The following CAMK2A variants were observed in gnomAD, a reference collection of about 807,000 sequenced individuals.
CAMK2A encodes the protein calcium/calmodulin-dependent protein kinase type II subunit alpha.
CAMK2A carries 7 observed loss-of-function variants against 79.2 expected under a neutral mutation model. The observed-to-expected ratio is 0.09, with a 90% CI of 0.05 to 0.17. The LOEUF (loss-of-function observed/expected upper bound fraction) is 0.17. CAMK2A is among the 10% of genes least tolerant of loss of function. The pLI is 1.00. For synonymous variants in CAMK2A, 242 were observed against 251.7 expected, an observed-to-expected ratio of 0.96 and a Z score of 0.36; for missense variants, 214 against 646.4, an observed-to-expected ratio of 0.33 and a Z score of 7.25.
intron 1 of CAMK2A, among the ~76,000 whole-genome samples, chr5:150,279,916 C>A (rs1757140434): frequency 6.6e-6 from 1 of 152,190 alleles, no homozygotes; most frequent in African/African-American, 2.4e-5. Context: ...GGCTGCCAGC[C>A]CAAAGGGGCC....
At chr5:150,275,827 A>G (rs1004098133) in intron 1 of CAMK2A, among the ~76,000 whole-genome samples, 1 of 143,114 alleles carries the variant, frequency 7.0e-6, no homozygotes, top group African/African-American at 2.7e-5. Context: ...TTTTCACCAA[A>G]CCAGAAGGTC....
intron 13 of CAMK2A, among the ~76,000 whole-genome samples, chr5:150,244,932 C>T (rs1180720863): frequency 6.6e-6 from 1 of 152,138 alleles, no homozygotes; most frequent in African/African-American, 2.4e-5. Flanking sequence ...CTGTCACTTC[C>T]ACCCTCCTCC....
intron 3 of CAMK2A, among the ~76,000 whole-genome samples, chr5:150,261,612 G>A (rs140798620): frequency 4.6e-5 from 7 of 152,218 alleles, no homozygotes; most frequent in Admixed American, 6.5e-5. Flanking sequence ...TTTTTTCTTG[G>A]AGGTTGAAGG....
At position 150,221,203 on chromosome 5, in the gene CAMK2A, G is replaced by A. The variant is rs547971932; in HGVS notation, c.*1507C>T. 1.8e-5 allele frequency: 7 copies of A among 382,070 alleles called. No individual in the cohort carries two copies. Among genetic ancestry groups the A allele is most frequent in the African/African-American group, 6.2e-5 (3 of 48,204 alleles). The allele number at this position is 382,070 out of a possible 1,614,324, so 23.7% of individuals were successfully genotyped here. A position where few individuals can be genotyped will look rare whatever the true frequency, so the allele number is the denominator to read the frequency against. On this transcript the variant is annotated 3_prime_UTR_variant, in exon 19 of 19. Transcript: ENST00000671881. The stretch of plus-strand genomic sequence containing the variant: ...TGTTTGTTTTCAACATACTTACTGC[G>A]TATAAAGTCATGCAAAGAAAACAGT...
chr5:150,231,181 C>A, intron 16 of CAMK2A, 124 bp downstream of exon 16: 1 of 502,578 alleles, frequency 2.0e-6, no homozygotes, highest in Non-Finnish European at 3.6e-6. Flanking sequence ...TGAGTTCAGC[C>A]CGATTCACAG....
intron 6 of CAMK2A, 24 bp from the exon 7 acceptor site, chr5:150,253,570 A>C (rs1580925787): frequency 6.4e-7 from 1 of 1,574,254 alleles, no homozygotes; most frequent in East Asian, 2.2e-5. Context: ...GAGAAGAGGG[A>C]GGAAGGGGAG....
chr5:150,231,234 C>A, intron 16 of CAMK2A, 71 bp downstream of exon 16: 1 of 791,968 alleles, frequency 1.3e-6, no homozygotes, highest in South Asian at 2.0e-5. Context: ...CAAGGACCCC[C>A]AAAGTTAGCC....
intron 1 of CAMK2A, among the ~76,000 whole-genome samples, chr5:150,276,625 A>C (rs1756958105): frequency 6.6e-6 from 1 of 152,160 alleles, no homozygotes; most frequent in Non-Finnish European, 1.5e-5. Context: ...AGAAGCTTAA[A>C]GTGGCCACAT....
rs142404553 is a variant in CAMK2A, at chr5:150,240,144, C to T, written c.985-408G>A. On this transcript the variant is annotated intron_variant, in intron 13 of 18. Transcript: ENST00000671881. Reference sequence around the variant, plus strand: ...GGGTGCTCAGGCCTGGAAGTGAGGCCCAATGTCTTCTCCTAGGCTCCCCGT... The same window carrying T: ...GGGTGCTCAGGCCTGGAAGTGAGGCTCAATGTCTTCTCCTAGGCTCCCCGT... 2.3e-3 allele frequency among the ~76,000 whole-genome samples: 344 copies of T among 152,262 alleles called. 1 individual carries two copies. The highest frequency in any genetic ancestry group is 4.4e-3 in the Admixed American group (68 of 15,302).
chr5:150,284,397 C>T lies in CAMK2A; in HGVS notation c.62+5167G>A, dbSNP rs1757338267. 6.6e-6 allele frequency among the ~76,000 whole-genome samples: 1 copy of T among 152,080 alleles called. No individual in the cohort carries two copies. Among genetic ancestry groups the T allele is most frequent in the African/African-American group, 2.4e-5 (1 of 41,392 alleles). On this transcript the variant is annotated intron_variant, in intron 1 of 18. Coordinates refer to ENST00000671881, the MANE Select transcript of CAMK2A (RefSeq NM_015981.4). This position sits in a 1 kb window ranked among gnomAD's most constrained non-coding sequence, Gnocchi z 5.3. ...TCAGCAACAGGATGCGAGTGTTGCA[C>T]TCCGAGGCTCTGCCCTCACCCCACA...
rs1754397230 is a variant in CAMK2A at position 150,223,008 on chromosome 5, C to T, written c.1447G>A (p.Ala483Thr). The T allele has an allele frequency of 6.2e-7, 1 of 1,614,144 alleles. No individual in the cohort carries two copies. Among genetic ancestry groups the T allele is most frequent in the Non-Finnish European group, 8.5e-7 (1 of 1,179,984 alleles). ...WQIVHFHRSG[A>T]PSVLPH Reference sequence around the variant, plus strand: ...TCTTACTGGGGCAGGACGGAGGGCGCCCCAGATCTGTGGAAGTGGACGATC... The same window carrying T: ...TCTTACTGGGGCAGGACGGAGGGCGTCCCAGATCTGTGGAAGTGGACGATC... Residue 483 changes from alanine to threonine, a missense_variant, in exon 18 of 19, where the codon GCG (alanine) becomes ACG (threonine). Physicochemically the swap from Ala to Thr is moderately conservative, Grantham distance 58 (BLOSUM62 0). Around this residue, in one of 4 missense-constraint regions of CAMK2A, gnomAD observed 123 missense variants for 242.4 expected, o/e 0.51. Transcript: ENST00000671881. This position sits in a 1 kb window ranked among gnomAD's most constrained non-coding sequence, Gnocchi z 4.1.
At chr5:150,231,527 C>CAG (rs1384495341) in intron 15 of CAMK2A, 147 bp from the exon 16 acceptor site, 2 of 328,880 alleles carry the variant, frequency 6.1e-6, no homozygotes, top group Non-Finnish European at 1.1e-5. Context: ...AGACCTCATG[C>CAG]AGATGATCTC....
At chr5:150,232,657 A>C (rs1396486156) in intron 15 of CAMK2A, among the ~76,000 whole-genome samples, 1 of 152,168 alleles carries the variant, frequency 6.6e-6, no homozygotes, top group Non-Finnish European at 1.5e-5. Flanking sequence ...AGATGAACAC[A>C]TTGCCAGGAT....
At chr5:150,243,383 C>G (rs1171422176) in intron 13 of CAMK2A, among the ~76,000 whole-genome samples, 1 of 152,166 alleles carries the variant, frequency 6.6e-6, no homozygotes, top group Non-Finnish European at 1.5e-5. Context: ...ACACAGGGGT[C>G]AGAGAGGGCC....
At chr5:150,226,672 G>A (rs1754609884) in intron 17 of CAMK2A, among the ~76,000 whole-genome samples, 2 of 136,330 alleles carry the variant, frequency 1.5e-5, no homozygotes, top group South Asian at 2.7e-4. Context: ...AGGAGGCGGA[G>A]GTTGCAGTGA....
chr5:150,222,634 G>C lies in CAMK2A; in HGVS notation c.*76C>G, dbSNP rs776071504. ...GGAGAATTCCAGCAAAATCCACCTG[G>C]GAGAACCAGCAGCTCCACTCCACGG... On this transcript the variant is annotated 3_prime_UTR_variant, in exon 19 of 19. Transcript: ENST00000671881. The C allele has an allele frequency of 3.9e-6, 6 of 1,547,462 alleles. No homozygotes were observed. In the South Asian group the frequency reaches 6.7e-5, roughly 17 times the overall value.
Position 150,221,351 on chromosome 5 carries a change from G to A in CAMK2A, c.*1359C>T, listed in dbSNP as rs1369504416. 11 of 398,308 alleles carry A rather than the reference G, an allele frequency of 2.8e-5. No individual in the cohort carries two copies. The East Asian group carries it at 3.9e-4, about 14-fold the overall frequency. 24.7% of individuals were successfully genotyped at this position (398,308 alleles called of 1,614,324 possible). A position where few individuals can be genotyped will look rare whatever the true frequency, so the allele number is the denominator to read the frequency against. On this transcript the variant is annotated 3_prime_UTR_variant, in exon 19 of 19. Coordinates refer to ENST00000671881, the MANE Select transcript of CAMK2A (RefSeq NM_015981.4). ...GAGGCTGCAGGATGAGGCATGAAGAGTAGAAATTCCCAGTGCTTTGCTGTG... is the reference window on the plus strand; with the variant it reads ...GAGGCTGCAGGATGAGGCATGAAGAATAGAAATTCCCAGTGCTTTGCTGTG...
intron 1 of CAMK2A, among the ~76,000 whole-genome samples, chr5:150,287,217 C>A (rs945098166): frequency 2.0e-5 from 3 of 152,250 alleles, no homozygotes; most frequent in Non-Finnish European, 4.4e-5. Flanking sequence ...GTCTCTAACA[C>A]AAGCTTCTGC....
chr5:150,272,424 T>G (rs1287569821), intron 2 of CAMK2A, among the ~76,000 whole-genome samples: 1 of 151,804 alleles, frequency 6.6e-6, no homozygotes, highest in African/African-American at 2.4e-5. Context: ...GAGAAAAAAT[T>G]AGCCGGGCAT....
Sources: allele counts gnomAD v4.1 joint callset (sites outside exome capture counted in the v4.1 genomes callset), GRCh38; gene constraint gnomAD v4.1.1; regional missense constraint gnomAD v4.1.1; non-coding constraint Gnocchi (gnomAD v3.1); transcripts MANE v1.5; gene names NCBI Gene and HGNC (gene_info 2026-07-23, HGNC 2026-07-21).